Variants in HPSE2 observed in about 807,000 individuals in gnomAD.
The protein encoded by HPSE2 is inactive heparanase-2.
HPSE2 carries 38 observed loss-of-function variants against 60.5 expected under a neutral mutation model. That is an observed-to-expected ratio of 0.63 (90% CI 0.48 to 0.82). The LOEUF (loss-of-function observed/expected upper bound fraction) is 0.82. Among genes scored for constraint, HPSE2 ranks in the 40% least tolerant of loss-of-function variants. The pLI is 0.00. For missense variants in HPSE2, 713 were observed against 740.4 expected, an observed-to-expected ratio of 0.96 and a Z score of 0.43; for synonymous variants, 295 against 293.2, an observed-to-expected ratio of 1.01 and a Z score of -0.06.
At chr10:98,499,426 A>G (rs1479047840) in intron 9 of HPSE2, among the ~76,000 whole-genome samples, 1 of 152,164 alleles carries the variant, frequency 6.6e-6, no homozygotes, top group African/African-American at 2.4e-5. Context: ...ATGGAAAAAT[A>G]CAGTCTTTTT....
At chr10:98,796,731 G>T (rs1415849685) in intron 3 of HPSE2, among the ~76,000 whole-genome samples, 1 of 152,218 alleles carries the variant, frequency 6.6e-6, no homozygotes, top group African/African-American at 2.4e-5. Flanking sequence ...ACCCAGTGCT[G>T]GGATAGCATC....
intron 3 of HPSE2, among the ~76,000 whole-genome samples, chr10:98,875,568 G>C (rs890820889): frequency 2.6e-5 from 4 of 151,768 alleles, no homozygotes; most frequent in African/African-American, 9.7e-5. Context: ...ACCATGACCA[G>C]ATGGATTCAC....
chr10:98,958,807 G>T (rs1471480143), intron 3 of HPSE2, among the ~76,000 whole-genome samples: 1 of 152,066 alleles, frequency 6.6e-6, no homozygotes, highest in Admixed American at 6.6e-5. Flanking sequence ...AATATTAAAA[G>T]TTTATAGTAT....
chr10:99,307,832 GCACACA>G, the HPSE2 span, among the ~76,000 whole-genome samples: 29 of 134,506 alleles, frequency 2.2e-4, no homozygotes, highest in East Asian at 2.9e-3. Flanking sequence ...TAGTAAATGC[GCACACA>G]CACACACACA....
chr10:99,054,229 T>G (rs1050211403), intron 3 of HPSE2, among the ~76,000 whole-genome samples: 10 of 152,144 alleles, frequency 6.6e-5, no homozygotes, highest in Admixed American at 3.3e-4. Flanking sequence ...AGTTAGATAG[T>G]GCTAGGTTTA....
chr10:99,132,381 A>G (rs1845477474), intron 3 of HPSE2, among the ~76,000 whole-genome samples: 1 of 152,168 alleles, frequency 6.6e-6, no homozygotes, highest in Non-Finnish European at 1.5e-5. Flanking sequence ...ACTCTTTGAT[A>G]TTGATTCAAG....
chr10:98,791,314 T>C (rs1950650654), intron 3 of HPSE2, among the ~76,000 whole-genome samples: 1 of 152,180 alleles, frequency 6.6e-6, no homozygotes. Flanking sequence ...CAAAAGGCTG[T>C]TAGATTTAAC....
chr10:99,077,760 T>C (rs1842997113), intron 3 of HPSE2, among the ~76,000 whole-genome samples: 1 of 151,978 alleles, frequency 6.6e-6, no homozygotes. Flanking sequence ...CAAATTTATC[T>C]ATGTTGAAAT....
At chr10:99,213,149 T>C (rs1849005352) in intron 2 of HPSE2, among the ~76,000 whole-genome samples, 1 of 152,068 alleles carries the variant, frequency 6.6e-6, no homozygotes, top group South Asian at 2.1e-4. Context: ...AGAAACATTC[T>C]CTTACAGAAA....
At chr10:98,463,291 A>G (rs931445303) in intron 11 of HPSE2, among the ~76,000 whole-genome samples, 2 of 152,192 alleles carry the variant, frequency 1.3e-5, no homozygotes, top group African/African-American at 4.8e-5. Flanking sequence ...CTCCAGTCTC[A>G]GATCCCGCCA....
At chr10:98,714,292 C>A (rs1387729459) in intron 5 of HPSE2, among the ~76,000 whole-genome samples, 1 of 151,996 alleles carries the variant, frequency 6.6e-6, no homozygotes, top group Non-Finnish European at 1.5e-5. Flanking sequence ...TGTTGTGCAA[C>A]CATTAACAAT....
At chr10:98,674,469 G>A (rs992193756) in intron 6 of HPSE2, among the ~76,000 whole-genome samples, 2 of 152,214 alleles carry the variant, frequency 1.3e-5, no homozygotes, top group African/African-American at 4.8e-5. Flanking sequence ...CTGAAGACAT[G>A]AGAACAGTAA....
chr10:98,615,738 C>T (rs770027676), intron 8 of HPSE2, among the ~76,000 whole-genome samples: 1 of 152,244 alleles, frequency 6.6e-6, no homozygotes, highest in Non-Finnish European at 1.5e-5. Flanking sequence ...ACTGCTAACT[C>T]TGCCTTCATT....
intron 3 of HPSE2, among the ~76,000 whole-genome samples, chr10:98,964,169 C>T (rs1245695978): frequency 1.3e-5 from 2 of 152,104 alleles, no homozygotes; most frequent in South Asian, 2.1e-4. Context: ...TTTTATCTTT[C>T]AACTGCCCAC....
chr10:99,040,929 A>G (rs1957723788), intron 3 of HPSE2, among the ~76,000 whole-genome samples: 3 of 151,940 alleles, frequency 2.0e-5, no homozygotes, highest in Admixed American at 2.0e-4. Flanking sequence ...TACGAAAAAT[A>G]CAAAAAAATT....
intron 3 of HPSE2, among the ~76,000 whole-genome samples, chr10:98,810,804 CTT>C (rs1437255696): frequency 6.6e-6 from 1 of 152,084 alleles, no homozygotes; most frequent in African/African-American, 2.4e-5. Context: ...AAAAATATCT[CTT>C]GTTTAAGAAA....
At chr10:98,812,329 AT>A (rs1269971271) in intron 3 of HPSE2, among the ~76,000 whole-genome samples, 1 of 152,122 alleles carries the variant, frequency 6.6e-6, no homozygotes, top group Non-Finnish European at 1.5e-5. Flanking sequence ...GACTCCTATA[AT>A]TTGGAAAGGG....
At chr10:99,009,194 A>G (rs912552483) in intron 3 of HPSE2, among the ~76,000 whole-genome samples, 1 of 141,872 alleles carries the variant, frequency 7.0e-6, no homozygotes, top group African/African-American at 2.7e-5. Context: ...GCTAGAAGCC[A>G]GGGGTTCACA....
intron 10 of HPSE2, among the ~76,000 whole-genome samples, chr10:98,483,223 T>C (rs1308431261): frequency 1.3e-5 from 2 of 152,144 alleles, no homozygotes; most frequent in African/African-American, 2.4e-5. Flanking sequence ...ATTTATTGAG[T>C]ACTTTGACAC....
Sources: gnomAD v4.1 joint callset for allele counts (sites outside exome capture counted in the v4.1 genomes callset) on GRCh38, gnomAD v4.1.1 for gene constraint, MANE v1.5 for transcripts, NCBI Gene and HGNC (gene_info 2026-07-23, HGNC 2026-07-21) for gene names.